Variants in FSD2 observed in about 807,000 individuals in gnomAD.
FSD2 encodes the protein fibronectin type III and SPRY domain containing 2, also known as fibronectin type III and SPRY domain-containing protein 2.
In FSD2, 71 loss-of-function variants were observed where a neutral mutation model predicts 80.4. The ratio of observed to expected loss-of-function variants is 0.88; its 90% CI spans 0.73 to 1.08. The LOEUF is 1.08. Among genes scored for constraint, FSD2 ranks in the 50% least tolerant of loss-of-function variants. FSD2 has a pLI of 0.00. For synonymous variants in FSD2, 361 were observed against 329.5 expected (o/e 1.10, Z -1.03); for missense variants, 923 against 913.8 (o/e 1.01, Z -0.13).
chr15:82,798,757 G>T (rs2050337915), intron 1 of FSD2, among the ~76,000 whole-genome samples: 1 of 151,352 alleles, frequency 6.6e-6, no homozygotes, highest in Non-Finnish European at 1.5e-5. Flanking sequence ...TATCAGCTCT[G>T]TTTAACTTTC....
Position 82,759,484 on chromosome 15 carries a change from A to G in FSD2, c.2114T>C (p.Val705Ala), listed in dbSNP as rs748520224. 2 of 1,613,330 alleles carry G rather than the reference A, an allele frequency of 1.2e-6. No homozygotes were observed. The highest frequency in any genetic ancestry group is 2.2e-5 in the East Asian group (1 of 44,878). Residue 705 changes from valine to alanine, a missense_variant, in exon 13 of 13, where the codon GTG becomes GCG. Val to Ala is a moderately conservative substitution (Grantham distance 64). Transcript: ENST00000334574. ...TGTATATAGATGCTGAGAAAGGTCC[A>G]CATTGAAAAATGACAACTTTGAATG... Reference protein sequence around the residue: ...YEHSKLSFFNVDLSQHLYTFS... With the variant: ...YEHSKLSFFNADLSQHLYTFS...
At chr15:82,777,143 G>C (rs2049731627) in intron 6 of FSD2, among the ~76,000 whole-genome samples, 1 of 152,140 alleles carries the variant, frequency 6.6e-6, no homozygotes, top group African/African-American at 2.4e-5. Context: ...TAGGTGAATA[G>C]CTTCTTGACA....
intron 11 of FSD2, 86 bp downstream of exon 11, chr15:82,765,080 C>T: frequency 7.0e-7 from 1 of 1,437,680 alleles, no homozygotes; most frequent in Middle Eastern, 1.8e-4. Context: ...TCGAGGCTGC[C>T]TCCGTGCCAT....
intron 1 of FSD2, among the ~76,000 whole-genome samples, chr15:82,801,057 G>A (rs2050401353): frequency 6.6e-6 from 1 of 152,074 alleles, no homozygotes; most frequent in Non-Finnish European, 1.5e-5. Context: ...ACACACTACT[G>A]CCCTCAAGGA....
intron 1 of FSD2, 86 bp downstream of exon 1, chr15:82,805,880 C>T (rs1410705407): frequency 6.6e-6 from 1 of 152,206 alleles, no homozygotes; most frequent in African/African-American, 2.4e-5. Flanking sequence ...TTCCCACCTA[C>T]AGGAAAGATA....
chr15:82,774,784 C>G (rs1372700760), intron 6 of FSD2, among the ~76,000 whole-genome samples: 2 of 150,622 alleles, frequency 1.3e-5, no homozygotes, highest in African/African-American at 4.9e-5. Context: ...TGCAGTGGTG[C>G]GATCTCGGCT....
At position 82,756,648 on chromosome 15, in the gene FSD2, T is replaced by C. The variant is rs896196385; in HGVS notation, c.*2700A>G. ...TAAGGGTGCCTTAAATCCTGAATACTGTACTCTGTATTACTAAACCCATGT... is the reference window on the plus strand; with the variant it reads ...TAAGGGTGCCTTAAATCCTGAATACCGTACTCTGTATTACTAAACCCATGT... On this transcript the variant is annotated 3_prime_UTR_variant, in exon 13 of 13. Transcript: ENST00000334574. 4.6e-5 allele frequency: 7 copies of C among 152,232 alleles called. 1 individual carries two copies. The highest frequency in any genetic ancestry group is 1.7e-4 in the African/African-American group (7 of 41,458). The allele number at this position is 152,232 out of a possible 1,614,324, so 9.4% of individuals were successfully genotyped here. A position where few individuals can be genotyped will look rare whatever the true frequency, so the allele number is the denominator to read the frequency against.
At chr15:82,782,520 A>G (rs1402543804) in intron 4 of FSD2, among the ~76,000 whole-genome samples, 1 of 152,340 alleles carries the variant, frequency 6.6e-6, no homozygotes. Flanking sequence ...ACAGAGGAAC[A>G]AAGACTGGTG....
chr15:82,789,462 A>G (rs955419459), intron 1 of FSD2, among the ~76,000 whole-genome samples: 2 of 152,120 alleles, frequency 1.3e-5, no homozygotes, highest in Admixed American at 6.5e-5. Flanking sequence ...TTATATATAC[A>G]TTATCCTCAC....
At chr15:82,800,154 T>A (rs908985049) in intron 1 of FSD2, among the ~76,000 whole-genome samples, 4 of 152,328 alleles carry the variant, frequency 2.6e-5, no homozygotes, top group Middle Eastern at 3.4e-3. Context: ...TGGTCAGAGA[T>A]GACACCTTGC....
rs1333360517 is a variant in FSD2, at chr15:82,786,965, C to G, written c.426G>C (p.Gln142His). Reference sequence around the variant, plus strand: ...TATAGGCTTCCCGCAAGTCCTGGCACTGGCCTGCTGAGCCCCACCCTCCGA... The same window carrying G: ...TATAGGCTTCCCGCAAGTCCTGGCAGTGGCCTGCTGAGCCCCACCCTCCGA... Reference protein sequence around the residue: ...LGFGGWGSAGQCQDLREAYRY... With the variant: ...LGFGGWGSAGHCQDLREAYRY... Residue 142 changes from glutamine to histidine, a missense_variant, in exon 2 of 13, where the codon CAG (glutamine) becomes CAC (histidine). Transcript: ENST00000334574. 1.2e-6 allele frequency: 2 copies of G among 1,613,912 alleles called. No homozygotes were observed. Among genetic ancestry groups the G allele is most frequent in the East Asian group, 4.5e-5 (2 of 44,890 alleles).
chr15:82,804,874 C>T (rs2050492498), intron 1 of FSD2, among the ~76,000 whole-genome samples: 2 of 152,198 alleles, frequency 1.3e-5, no homozygotes, highest in Admixed American at 6.5e-5. Context: ...AGTTAACAGT[C>T]ACTTTTCCCC....
intron 6 of FSD2, among the ~76,000 whole-genome samples, chr15:82,778,530 G>C (rs1306701218): frequency 1.3e-5 from 2 of 152,112 alleles, no homozygotes; most frequent in Non-Finnish European, 2.9e-5. Context: ...GTTGCCAGGG[G>C]CTTGGGGGAA....
At chr15:82,772,309 T>A in intron 6 of FSD2, 81 bp from the exon 7 acceptor site, 1 of 1,383,354 alleles carries the variant, frequency 7.2e-7, no homozygotes, top group Non-Finnish European at 9.9e-7. Flanking sequence ...TGACCATTGA[T>A]CCCCCCAATG....
intron 7 of FSD2, among the ~76,000 whole-genome samples, chr15:82,771,625 G>T (rs1164577761): frequency 6.6e-6 from 1 of 152,218 alleles, no homozygotes; most frequent in Non-Finnish European, 1.5e-5. Flanking sequence ...CTTCCAGGCT[G>T]CAGAGGCCCC....
intron 4 of FSD2, among the ~76,000 whole-genome samples, chr15:82,782,001 T>C (rs1306707534): frequency 6.1e-5 from 9 of 146,486 alleles, no homozygotes; most frequent in African/African-American, 2.0e-4. Context: ...GAGGAAGAGG[T>C]TGCAGTGAGC....
chr15:82,760,839 C>T (rs373425337), intron 12 of FSD2, among the ~76,000 whole-genome samples: 3 of 152,152 alleles, frequency 2.0e-5, no homozygotes, highest in South Asian at 4.2e-4. Flanking sequence ...CTTCTGTTTC[C>T]ACCCCTCTTC....
intron 9 of FSD2, among the ~76,000 whole-genome samples, chr15:82,767,547 T>C (rs995645067): frequency 1.3e-5 from 2 of 152,166 alleles, no homozygotes; most frequent in African/African-American, 4.8e-5. Flanking sequence ...ACTGGAAGAA[T>C]ATGCACCAGC....
chr15:82,801,368 A>G (rs1056500555), intron 1 of FSD2, among the ~76,000 whole-genome samples: 3 of 152,110 alleles, frequency 2.0e-5, no homozygotes, highest in Admixed American at 6.6e-5. Context: ...ATTTCCCTCC[A>G]TGGGCTCACC....
Sources: gnomAD v4.1 joint callset for allele counts (sites outside exome capture counted in the v4.1 genomes callset) on GRCh38, gnomAD v4.1.1 for gene constraint, MANE v1.5 for transcripts, NCBI Gene and HGNC (gene_info 2026-07-23, HGNC 2026-07-21) for gene names.